The following RPTOR variants were observed in gnomAD, a reference collection of about 807,000 sequenced individuals.
The protein encoded by RPTOR is regulatory associated protein of MTOR complex 1, also known as regulatory-associated protein of mTOR.
In RPTOR, 21 loss-of-function variants were observed where a neutral mutation model predicts 169.9. That is an observed-to-expected ratio of 0.12 (90% CI 0.09 to 0.18). The LOEUF (loss-of-function observed/expected upper bound fraction) is 0.18, where lower values mean the gene tolerates loss of function less well. Among genes scored for constraint, RPTOR ranks in the 10% least tolerant of loss-of-function variants. RPTOR has a pLI of 1.00. For synonymous variants in RPTOR, 732 were observed against 753.2 expected, an observed-to-expected ratio of 0.97 and a Z score of 0.46; for missense variants, 1,133 against 1,855.9, an observed-to-expected ratio of 0.61 and a Z score of 7.16.
Position 80,823,302 on chromosome 17 carries a change from T to C in RPTOR, c.1136+79T>C. On this transcript the variant is annotated intron_variant, in intron 9 of 33. Coordinates refer to ENST00000306801, the MANE Select transcript of RPTOR (RefSeq NM_020761.3). This position sits in a 1 kb window ranked among gnomAD's most constrained non-coding sequence, Gnocchi z 4.5. Reference sequence around the variant, plus strand: ...GTGATGTCATGGAATTGCACGGAGCTGGGCAGGGAGGCCCCACACCTAACT... The same window carrying C: ...GTGATGTCATGGAATTGCACGGAGCCGGGCAGGGAGGCCCCACACCTAACT... 6.4e-7 allele frequency: 1 copy of C among 1,550,404 alleles called. No homozygotes were observed. Among genetic ancestry groups the C allele is most frequent in the South Asian group, 1.2e-5 (1 of 83,498 alleles).
chr17:80,677,861 G>A (rs1567852755), intron 3 of RPTOR, among the ~76,000 whole-genome samples: 2 of 152,146 alleles, frequency 1.3e-5, no homozygotes, highest in Non-Finnish European at 2.9e-5. Context: ...GTGTTGTTGC[G>A]ATGATCGTGG....
chr17:80,577,325 C>T (rs181679905), intron 1 of RPTOR, among the ~76,000 whole-genome samples: 16 of 152,222 alleles, frequency 1.1e-4, no homozygotes, highest in Admixed American at 4.6e-4. Context: ...CCACCACACC[C>T]GGCCTCAGTT....
intron 1 of RPTOR, among the ~76,000 whole-genome samples, chr17:80,594,453 C>G (rs1265904804): frequency 6.6e-6 from 1 of 152,230 alleles, no homozygotes; most frequent in Non-Finnish European, 1.5e-5. Context: ...AGCGTTTCTA[C>G]TATTAAAGGT....
At chr17:80,709,321 G>A (rs1048840725) in intron 4 of RPTOR, among the ~76,000 whole-genome samples, 1 of 152,208 alleles carries the variant, frequency 6.6e-6, no homozygotes, top group Admixed American at 6.5e-5. Context: ...CTCAGCTGCA[G>A]TCTCTCCTTT....
At chr17:80,570,015 A>G (rs1376499307) in intron 1 of RPTOR, among the ~76,000 whole-genome samples, 1 of 152,066 alleles carries the variant, frequency 6.6e-6, no homozygotes, top group Non-Finnish European at 1.5e-5. Flanking sequence ...CAAGGAGCCC[A>G]GCTCCGTTTC....
chr17:80,668,331 T>C (rs1387942166), intron 3 of RPTOR, among the ~76,000 whole-genome samples: 1 of 152,176 alleles, frequency 6.6e-6, no homozygotes, highest in Non-Finnish European at 1.5e-5. Context: ...AGTGAGATAA[T>C]TTTCATCATG....
At chr17:80,564,428 G>A (rs1223507883) in intron 1 of RPTOR, among the ~76,000 whole-genome samples, 1 of 152,074 alleles carries the variant, frequency 6.6e-6, no homozygotes, top group Non-Finnish European at 1.5e-5. Flanking sequence ...GAATACAAAT[G>A]TTCAGCTCTA....
chr17:80,943,634 C>G (rs1244714068), intron 25 of RPTOR, among the ~76,000 whole-genome samples: 1 of 152,206 alleles, frequency 6.6e-6, no homozygotes, highest in African/African-American at 2.4e-5. Context: ...ACTTGGCTAT[C>G]TCACTTCCTG....
chr17:80,698,677 G>C (rs773353442), intron 3 of RPTOR, among the ~76,000 whole-genome samples: 1 of 152,164 alleles, frequency 6.6e-6, no homozygotes. Context: ...CAAATGTGCC[G>C]CTGCTTCTCC....
intron 11 of RPTOR, among the ~76,000 whole-genome samples, chr17:80,847,153 G>C (rs750443500): frequency 2.0e-5 from 3 of 152,268 alleles, no homozygotes; most frequent in Non-Finnish European, 2.9e-5. Context: ...CCTTGCACGG[G>C]GCTGTCACAG....
At chr17:80,613,095 C>G (rs1203218543) in intron 1 of RPTOR, among the ~76,000 whole-genome samples, 1 of 152,138 alleles carries the variant, frequency 6.6e-6, no homozygotes, top group Non-Finnish European at 1.5e-5. Context: ...TGATGTGTGG[C>G]CTTCAGTGAT....
chr17:80,924,314 T>C (rs1298831938), intron 23 of RPTOR: 1 of 151,938 alleles, frequency 6.6e-6, no homozygotes, highest in African/African-American at 2.4e-5. Context: ...CTCAAGAAGG[T>C]GGTTCAGGGC....
intron 9 of RPTOR, among the ~76,000 whole-genome samples, chr17:80,835,536 A>C (rs534809048): frequency 1.3e-5 from 2 of 152,344 alleles, no homozygotes; most frequent in South Asian, 4.1e-4. Flanking sequence ...CCCTACGACG[A>C]AGGTTGAGTG....
At chr17:80,685,361 G>A (rs908872387) in intron 3 of RPTOR, among the ~76,000 whole-genome samples, 3 of 151,400 alleles carry the variant, frequency 2.0e-5, no homozygotes, top group Non-Finnish European at 4.4e-5. Context: ...CTACAGCCTC[G>A]ACCTCCTGGG....
At chr17:80,621,152 C>T (rs1211406528) in intron 1 of RPTOR, among the ~76,000 whole-genome samples, 1 of 152,170 alleles carries the variant, frequency 6.6e-6, no homozygotes, top group Non-Finnish European at 1.5e-5. Context: ...GAAATGGTCT[C>T]TCTAGGTAGC....
Position 80,754,857 on chromosome 17 carries a change from G to A in RPTOR, c.830+672G>A, listed in dbSNP as rs978943866. On this transcript the variant is annotated intron_variant, in intron 6 of 33. Transcript: ENST00000306801. The surrounding 1 kb of genome is among the most constrained non-coding windows in gnomAD (Gnocchi z 4.2). ...AAGCTTATATGTCGTGGCTGTTACC[G>A]GCTAGTAGATAAATACCTCTCCCTT... Among the ~76,000 whole-genome samples, 3 of 152,104 alleles carry A rather than the reference G, an allele frequency of 2.0e-5. No individual in the cohort carries two copies. Among genetic ancestry groups the A allele is most frequent in the East Asian group, 1.9e-4 (1 of 5,198 alleles).
intron 3 of RPTOR, among the ~76,000 whole-genome samples, chr17:80,663,777 C>T (rs1011058841): frequency 1.3e-5 from 2 of 152,062 alleles, no homozygotes; most frequent in African/African-American, 4.8e-5. Flanking sequence ...TGAGCTCACC[C>T]TGTCCTGATT....
At chr17:80,852,175 G>A (rs1228504935) in intron 11 of RPTOR, among the ~76,000 whole-genome samples, 1 of 152,194 alleles carries the variant, frequency 6.6e-6, no homozygotes, top group Non-Finnish European at 1.5e-5. Context: ...CTTTGTGCTA[G>A]ACGCTTTACG....
chr17:80,696,165 C>G (rs936624667), intron 3 of RPTOR, among the ~76,000 whole-genome samples: 1 of 152,118 alleles, frequency 6.6e-6, no homozygotes, highest in African/African-American at 2.4e-5. Context: ...TTTAAACAGA[C>G]AAGATAAGTG....
Sources: allele counts gnomAD v4.1 joint callset (sites outside exome capture counted in the v4.1 genomes callset), GRCh38; gene constraint gnomAD v4.1.1; non-coding constraint Gnocchi (gnomAD v3.1); transcripts MANE v1.5; gene names NCBI Gene and HGNC (gene_info 2026-07-23, HGNC 2026-07-21).